Variants in LYPLAL1 observed in about 807,000 individuals in gnomAD.
The protein encoded by LYPLAL1 is lysophospholipase like 1.
In LYPLAL1, 23 loss-of-function variants were observed where a neutral mutation model predicts 19.7. That is an observed-to-expected ratio of 1.17 (90% CI 0.84 to 1.65). The LOEUF is 1.65. LYPLAL1 is among the 40% of genes most tolerant of loss of function. LYPLAL1 has a pLI of 0.00. For missense variants in LYPLAL1, 355 were observed against 279.4 expected (o/e 1.27, Z -1.93); for synonymous variants, 119 against 96.3 (o/e 1.24, Z -1.38).
the LYPLAL1 span, among the ~76,000 whole-genome samples, chr1:219,218,682 A>AG: frequency 6.6e-6 from 1 of 152,150 alleles, no homozygotes; most frequent in Non-Finnish European, 1.5e-5. Flanking sequence ...AGCCTTCTGA[A>AG]GGGAAGACTA....
At chr1:219,441,388 C>T in the LYPLAL1 span, among the ~76,000 whole-genome samples, 1 of 151,896 alleles carries the variant, frequency 6.6e-6, no homozygotes, top group Non-Finnish European at 1.5e-5. Flanking sequence ...AGATGAGGCC[C>T]GAGATTCATT....
At chr1:219,419,592 C>CAGAGAG in the LYPLAL1 span, among the ~76,000 whole-genome samples, 1,223 of 62,632 alleles carry the variant, frequency 0.02, 8 homozygotes, top group Non-Finnish European at 0.037. Context: ...CACACACACA[C>CAGAGAG]ACAGAGAGAG....
At chr1:219,382,399 A>T in the LYPLAL1 span, among the ~76,000 whole-genome samples, 1 of 152,004 alleles carries the variant, frequency 6.6e-6, no homozygotes, top group African/African-American at 2.4e-5. Flanking sequence ...TTGCTCTGTC[A>T]CCCAGGCTGG....
At chr1:219,226,327 G>A in the LYPLAL1 span, among the ~76,000 whole-genome samples, 300 of 152,242 alleles carry the variant, frequency 2.0e-3, 1 homozygote, top group African/African-American at 6.6e-3. Context: ...CTGATCCTCT[G>A]TTTTTTGCCT....
At chr1:219,225,659 C>T in the LYPLAL1 span, among the ~76,000 whole-genome samples, 2 of 152,254 alleles carry the variant, frequency 1.3e-5, no homozygotes, top group South Asian at 4.2e-4. Context: ...TCCCATGTGC[C>T]CTGAGAGTTA....
the LYPLAL1 span, among the ~76,000 whole-genome samples, chr1:219,238,222 C>A: frequency 1.3e-5 from 2 of 150,122 alleles, no homozygotes; most frequent in Admixed American, 6.7e-5. Flanking sequence ...TCTGCAACCT[C>A]CACCTCCCGG....
the LYPLAL1 span, among the ~76,000 whole-genome samples, chr1:219,261,450 C>T: frequency 1.3e-5 from 2 of 152,028 alleles, no homozygotes; most frequent in Non-Finnish European, 1.5e-5. Context: ...GCTGATCCAG[C>T]GATAATGAGC....
chr1:219,224,188 C>A, the LYPLAL1 span, among the ~76,000 whole-genome samples: 1 of 152,050 alleles, frequency 6.6e-6, no homozygotes, highest in Non-Finnish European at 1.5e-5. Context: ...GATTATGTAA[C>A]AAGAAAGAAA....
the LYPLAL1 span, among the ~76,000 whole-genome samples, chr1:219,322,198 A>C: frequency 4.6e-5 from 7 of 152,188 alleles, no homozygotes; most frequent in Non-Finnish European, 8.8e-5. Context: ...GGGAAACCCC[A>C]AAAATCAGAG....
the LYPLAL1 span, among the ~76,000 whole-genome samples, chr1:219,328,650 A>G: frequency 7.9e-5 from 12 of 152,198 alleles, no homozygotes; most frequent in Non-Finnish European, 1.8e-4. Context: ...ACCTTGGGGC[A>G]CAATATCTAT....
chr1:219,405,844 G>A, the LYPLAL1 span, among the ~76,000 whole-genome samples: 5 of 152,128 alleles, frequency 3.3e-5, no homozygotes, highest in Admixed American at 6.5e-5. Context: ...TTCCTCATTA[G>A]AGGTCACTTG....
chr1:219,443,098 T>C, the LYPLAL1 span, among the ~76,000 whole-genome samples: 5 of 146,726 alleles, frequency 3.4e-5, no homozygotes, highest in South Asian at 1.1e-3. Flanking sequence ...AAAAAAAAAA[T>C]GAACAAATGG....
the LYPLAL1 span, among the ~76,000 whole-genome samples, chr1:219,333,082 T>C: frequency 5.9e-5 from 9 of 152,214 alleles, no homozygotes; most frequent in Non-Finnish European, 1.0e-4. Flanking sequence ...ACACTTCAAG[T>C]TGATCCTTTC....
chr1:219,372,945 A>G, the LYPLAL1 span, among the ~76,000 whole-genome samples: 1 of 152,154 alleles, frequency 6.6e-6, no homozygotes, highest in South Asian at 2.1e-4. Context: ...ATTTTTCTCC[A>G]GGAAAGCAAT....
At chr1:219,248,332 C>T in the LYPLAL1 span, among the ~76,000 whole-genome samples, 1 of 152,070 alleles carries the variant, frequency 6.6e-6, no homozygotes, top group African/African-American at 2.4e-5. Flanking sequence ...AGGATGTTTG[C>T]CACACCTGGC....
At chr1:219,301,179 C>T in the LYPLAL1 span, among the ~76,000 whole-genome samples, 49,041 of 137,782 alleles carry the variant, frequency 0.36, 8,328 homozygotes, top group East Asian at 0.63. Context: ...GCATGAATTA[C>T]ATTACATAAA....
rs1006035054 is a variant in LYPLAL1, at chr1:219,211,899, T to G, written c.*171T>G. 15 of 450,468 alleles carry G rather than the reference T, an allele frequency of 3.3e-5. No individual in the cohort carries two copies. Among genetic ancestry groups the G allele is most frequent in the African/African-American group, 2.6e-4 (13 of 49,716 alleles). 27.9% of individuals were successfully genotyped at this position (450,468 alleles called of 1,614,324 possible). A position where few individuals can be genotyped will look rare whatever the true frequency, so the allele number is the denominator to read the frequency against. ...AGCTAATCTTATTAATGAAAAACAA[T>G]AGACAAACATCTGTGCATAATTTTT... On this transcript the variant is annotated 3_prime_UTR_variant, in exon 5 of 5. Transcript: ENST00000366928.
the LYPLAL1 span, among the ~76,000 whole-genome samples, chr1:219,299,285 G>T: frequency 6.6e-6 from 1 of 151,940 alleles, no homozygotes. Flanking sequence ...GCCAATGTGG[G>T]ACTCAACCTA....
the LYPLAL1 span, among the ~76,000 whole-genome samples, chr1:219,352,605 T>C: frequency 6.6e-6 from 1 of 152,310 alleles, no homozygotes; most frequent in East Asian, 1.9e-4. Flanking sequence ...AAGAATATAG[T>C]AGGCGTTCAG....
Sources: gnomAD v4.1 joint callset for allele counts (sites outside exome capture counted in the v4.1 genomes callset) on GRCh38, gnomAD v4.1.1 for gene constraint, MANE v1.5 for transcripts, NCBI Gene and HGNC (gene_info 2026-07-23, HGNC 2026-07-21) for gene names.